Variants in SMURF2 observed in about 807,000 individuals in gnomAD.
SMURF2 encodes the protein E3 ubiquitin-protein ligase SMURF2.
In SMURF2, 48 loss-of-function variants were observed where a neutral mutation model predicts 109.6. That is an observed-to-expected ratio of 0.44 (90% CI 0.35 to 0.56). SMURF2 has a LOEUF of 0.56. Among genes scored for constraint, SMURF2 ranks in the 20% least tolerant of loss-of-function variants. The probability of loss-of-function intolerance (pLI) is 0.01; values close to 1 mark genes in which losing one functional copy is unlikely to be tolerated. For missense variants in SMURF2, 575 were observed against 909.0 expected, an observed-to-expected ratio of 0.63 and a Z score of 4.72; for synonymous variants, 288 against 317.1, an observed-to-expected ratio of 0.91 and a Z score of 0.97.
chr17:64,648,221 T>C (rs1555693170), intron 1 of SMURF2, among the ~76,000 whole-genome samples: 3 of 152,152 alleles, frequency 2.0e-5, no homozygotes, highest in Admixed American at 6.6e-5. Context: ...TCTTAGATGA[T>C]AATCCAGCAA....
intron 1 of SMURF2, among the ~76,000 whole-genome samples, chr17:64,627,730 A>C (rs1970286726): frequency 6.6e-6 from 1 of 152,208 alleles, no homozygotes; most frequent in African/African-American, 2.4e-5. Context: ...TAGATGTTAT[A>C]ATTTCATACC....
chr17:64,650,471 C>T (rs1440379807), intron 1 of SMURF2, among the ~76,000 whole-genome samples: 1 of 152,038 alleles, frequency 6.6e-6, no homozygotes, highest in African/African-American at 2.4e-5. Flanking sequence ...TTATACATGG[C>T]ATAACTAGGA....
chr17:64,592,724 C>T (rs1467390628), intron 4 of SMURF2, among the ~76,000 whole-genome samples: 1 of 152,010 alleles, frequency 6.6e-6, no homozygotes, highest in African/African-American at 2.4e-5. Flanking sequence ...AAAGGAATTC[C>T]CATTTATGTT....
Position 64,591,609 on chromosome 17 carries a change from G to C in SMURF2, c.335-460C>G, listed in dbSNP as rs149954415. Among the ~76,000 whole-genome samples the C allele has an allele frequency of 2.8e-4, 43 of 152,280 alleles. No individual in the cohort carries two copies. In the East Asian group the frequency reaches 7.3e-3, roughly 26 times the overall value. ...AGAATAAACTGTAAAATCTGGGTTT[G>C]CATCAGTTCTGTCACTCATTCATTT... On this transcript the variant is annotated intron_variant, in intron 4 of 18. Coordinates refer to ENST00000262435, the MANE Select transcript of SMURF2 (RefSeq NM_022739.4).
intron 9 of SMURF2, among the ~76,000 whole-genome samples, chr17:64,576,873 C>CTTT (rs782057854): frequency 1.6e-4 from 13 of 81,506 alleles, no homozygotes; most frequent in Non-Finnish European, 2.1e-4. Flanking sequence ...TTTTTCTATC[C>CTTT]TTTTTTTTTT....
chr17:64,591,185 T>A (rs374233283), intron 4 of SMURF2, 36 bp from the exon 5 acceptor site: 581 of 1,514,856 alleles, frequency 3.8e-4, no homozygotes, highest in Non-Finnish European at 4.8e-4. Context: ...ACGAAAAAAT[T>A]AGCTGGTATC....
chr17:64,655,237 A>C (rs181351753), intron 1 of SMURF2, among the ~76,000 whole-genome samples: 35 of 149,944 alleles, frequency 2.3e-4, no homozygotes, highest in African/African-American at 8.3e-4. Flanking sequence ...TCTAATGACA[A>C]TCCCAATGAA....
intron 3 of SMURF2, among the ~76,000 whole-genome samples, 190 bp downstream of exon 3, chr17:64,598,192 T>A (rs1335679903): frequency 6.6e-6 from 1 of 152,234 alleles, no homozygotes; most frequent in Admixed American, 6.5e-5. Context: ...CATAGAATTT[T>A]AGAGATACCT....
At chr17:64,646,229 C>G (rs1189882138) in intron 1 of SMURF2, among the ~76,000 whole-genome samples, 1 of 151,788 alleles carries the variant, frequency 6.6e-6, no homozygotes, top group Non-Finnish European at 1.5e-5. Context: ...CCATGCCCAA[C>G]TAATTTTTGT....
In SMURF2 at chr17:64,561,111, TAC is replaced by T. The variant is rs536093019; in HGVS notation, c.1316+387_1316+388del. Among the ~76,000 whole-genome samples the T allele has an allele frequency of 3.0e-4, 45 of 151,762 alleles. No homozygotes were observed. The South Asian group carries it at 9.0e-3, about 30-fold the overall frequency. On this transcript the variant is annotated intron_variant, in intron 12 of 18. Coordinates refer to ENST00000262435, the MANE Select transcript of SMURF2 (RefSeq NM_022739.4). ...ACATGTGTATACACACATGCATGCA[TAC>T]ACATTCATTTAACAAGGAAAAAAGG...
chr17:64,621,982 T>C (rs1290985591), intron 1 of SMURF2, among the ~76,000 whole-genome samples: 1 of 144,574 alleles, frequency 6.9e-6, no homozygotes, highest in East Asian at 2.0e-4. Flanking sequence ...ATAATAATAA[T>C]AATAAAAAAA....
At chr17:64,557,745 G>A in intron 12 of SMURF2, 23 bp from the exon 13 acceptor site, 1 of 1,429,936 alleles carries the variant, frequency 7.0e-7, no homozygotes, top group Non-Finnish European at 9.7e-7. Flanking sequence ...ATATGACCAA[G>A]GAATTTTTTT....
intron 1 of SMURF2, among the ~76,000 whole-genome samples, chr17:64,623,712 A>G (rs1970233038): frequency 6.6e-6 from 1 of 152,232 alleles, no homozygotes. Flanking sequence ...TTAACTTGCT[A>G]TGTAGAGTTT....
intron 10 of SMURF2, among the ~76,000 whole-genome samples, chr17:64,570,908 G>A (rs1310090801): frequency 6.6e-6 from 1 of 152,176 alleles, no homozygotes; most frequent in Non-Finnish European, 1.5e-5. Flanking sequence ...GGTGTCCTGA[G>A]TAGCTGGGAC....
At chr17:64,601,551 G>C (rs1252425197) in intron 2 of SMURF2, among the ~76,000 whole-genome samples, 1 of 152,090 alleles carries the variant, frequency 6.6e-6, no homozygotes, top group Non-Finnish European at 1.5e-5. Flanking sequence ...AAAAATAACA[G>C]ATGTTGGCAT....
intron 9 of SMURF2, among the ~76,000 whole-genome samples, chr17:64,577,693 T>C (rs1969515276): frequency 6.6e-6 from 1 of 150,896 alleles, no homozygotes; most frequent in Non-Finnish European, 1.5e-5. Flanking sequence ...CCTCCATGGC[T>C]CAAGCAATCC....
At chr17:64,582,509 T>C (rs1333236293) in intron 7 of SMURF2, among the ~76,000 whole-genome samples, 1 of 152,236 alleles carries the variant, frequency 6.6e-6, no homozygotes, top group African/African-American at 2.4e-5. Flanking sequence ...GTAAGCTCCA[T>C]GAAGTGACCA....
At chr17:64,551,554 C>G (rs782095778) in intron 16 of SMURF2, 30 bp downstream of exon 16, 10 of 1,606,388 alleles carry the variant, frequency 6.2e-6, no homozygotes. Flanking sequence ...CCTTGTTACA[C>G]TAGTGATGTT....
intron 10 of SMURF2, among the ~76,000 whole-genome samples, chr17:64,565,188 G>A (rs1316937935): frequency 1.3e-5 from 2 of 152,138 alleles, no homozygotes; most frequent in Non-Finnish European, 2.9e-5. Flanking sequence ...ACGGACACAG[G>A]AGAAAATCCT....
Sources: allele counts gnomAD v4.1 joint callset (sites outside exome capture counted in the v4.1 genomes callset), GRCh38; gene constraint gnomAD v4.1.1; transcripts MANE v1.5; gene names NCBI Gene and HGNC (gene_info 2026-07-23, HGNC 2026-07-21).